The following ADGRD1 variants were observed in gnomAD, a reference collection of about 807,000 sequenced individuals.
ADGRD1 encodes G-protein coupled receptor 133.
In ADGRD1, 77 loss-of-function variants were observed where a neutral mutation model predicts 113.4. The ratio of observed to expected loss-of-function variants is 0.68; its 90% CI spans 0.57 to 0.82. ADGRD1 has a LOEUF of 0.82. Among genes scored for constraint, ADGRD1 ranks in the 40% least tolerant of loss-of-function variants. The probability of loss-of-function intolerance (pLI) is 0.00; values close to 1 mark genes in which losing one functional copy is unlikely to be tolerated. For missense variants in ADGRD1, 1,036 were observed against 1,139.1 expected (o/e 0.91, Z 1.30); for synonymous variants, 474 against 475.0 (o/e 1.00, Z 0.03).
At chr12:131,028,466 A>T (rs1045515267) in intron 13 of ADGRD1, among the ~76,000 whole-genome samples, 1 of 151,902 alleles carries the variant, frequency 6.6e-6, no homozygotes, top group Non-Finnish European at 1.5e-5. Flanking sequence ...CGGTTTATCA[A>T]GCTCTTCTGT....
intron 8 of ADGRD1, among the ~76,000 whole-genome samples, chr12:130,996,378 T>C (rs7963074): frequency 0.061 from 5,863 of 95,672 alleles, 397 homozygotes; most frequent in African/African-American, 0.17. Context: ...CCTCACCTCC[T>C]GGACGGGGCG....
chr12:131,116,662 C>T (rs770593387), intron 18 of ADGRD1, among the ~76,000 whole-genome samples: 1 of 152,220 alleles, frequency 6.6e-6, no homozygotes, highest in Non-Finnish European at 1.5e-5. Context: ...CGTGCACTTC[C>T]ATCCCCCACC....
At chr12:131,097,881 C>T (rs529559887) in intron 15 of ADGRD1, among the ~76,000 whole-genome samples, 1 of 152,326 alleles carries the variant, frequency 6.6e-6, no homozygotes, top group South Asian at 2.1e-4. Context: ...CTCTGCTCAC[C>T]CTGCTCTCTG....
In ADGRD1 at chr12:131,045,022, G is replaced by A. The variant is rs138071708; in HGVS notation, c.1473+30682G>A. On this transcript the variant is annotated intron_variant, in intron 13 of 24. Coordinates refer to ENST00000261654, the MANE Select transcript of ADGRD1 (RefSeq NM_198827.5). ...GCCTTCTCCGCAGGCCGTGGTGCGC[G>A]TGCCGGTGGGTTTCTGCGGCGTGTG... Among the ~76,000 whole-genome samples, 94 of 152,368 alleles carry A rather than the reference G, an allele frequency of 6.2e-4. No individual in the cohort carries two copies. In the South Asian group the frequency reaches 8.9e-3, roughly 14 times the overall value.
At chr12:131,036,794 C>G (rs1393208918) in intron 13 of ADGRD1, among the ~76,000 whole-genome samples, 1 of 139,176 alleles carries the variant, frequency 7.2e-6, no homozygotes. Flanking sequence ...ACTCACGGCA[C>G]TGGGTCTCAC....
intron 21 of ADGRD1, 49 bp downstream of exon 21, chr12:131,131,865 G>C (rs1467470225): frequency 8.0e-7 from 1 of 1,247,602 alleles, no homozygotes; most frequent in South Asian, 1.2e-5. Flanking sequence ...TCTGCCCCCA[G>C]AGGATGCTTT....
At chr12:130,991,159 T>C in intron 7 of ADGRD1, 81 bp downstream of exon 7, 1 of 1,143,462 alleles carries the variant, frequency 8.7e-7, no homozygotes, top group Non-Finnish European at 1.3e-6. Flanking sequence ...AAAATTCCAT[T>C]AGGTGTCTGG....
chr12:130,967,214 C>T, intron 3 of ADGRD1: 1 of 345,378 alleles, frequency 2.9e-6, no homozygotes, highest in South Asian at 2.2e-5. Flanking sequence ...AAACGCATCC[C>T]CATCTACCAG....
intron 13 of ADGRD1, among the ~76,000 whole-genome samples, chr12:131,067,308 CA>C (rs1406900840): frequency 7.9e-5 from 12 of 152,170 alleles, no homozygotes; most frequent in Non-Finnish European, 1.2e-4. Flanking sequence ...GCAGATTTTG[CA>C]GTTGTCTAGC....
chr12:131,087,256 C>G (rs1886532865), intron 15 of ADGRD1, among the ~76,000 whole-genome samples: 1 of 152,120 alleles, frequency 6.6e-6, no homozygotes, highest in Admixed American at 6.5e-5. Context: ...ACTTTGTGGC[C>G]CAGGCTCTGA....
chr12:131,038,369 A>G (rs186557152), intron 13 of ADGRD1, among the ~76,000 whole-genome samples: 3 of 152,320 alleles, frequency 2.0e-5, no homozygotes, highest in African/African-American at 7.2e-5. Context: ...TCAAACCTGC[A>G]TCTCGCCTGC....
chr12:131,018,348 C>T (rs957542540), intron 13 of ADGRD1, among the ~76,000 whole-genome samples: 9 of 152,150 alleles, frequency 5.9e-5, no homozygotes, highest in Admixed American at 1.3e-4. Context: ...GGCATCGGCT[C>T]GGGTTTTGGT....
At chr12:131,128,265 G>T (rs1462332731) in intron 20 of ADGRD1, among the ~76,000 whole-genome samples, 4 of 142,636 alleles carry the variant, frequency 2.8e-5, no homozygotes, top group South Asian at 4.6e-4. Flanking sequence ...GTGTTGGTTG[G>T]GTTGGTTGTG....
At chr12:130,964,494 C>T (rs562146850) in intron 2 of ADGRD1, among the ~76,000 whole-genome samples, 144 of 151,934 alleles carry the variant, frequency 9.5e-4, no homozygotes, top group African/African-American at 3.2e-3. Flanking sequence ...GAGACTAGCC[C>T]GGCCAACATG....
intron 8 of ADGRD1, among the ~76,000 whole-genome samples, chr12:130,996,272 G>A (rs1875326878): frequency 1.4e-5 from 2 of 145,152 alleles, no homozygotes; most frequent in East Asian, 2.0e-4. Flanking sequence ...ATCCTGGCCC[G>A]TTCTCAATGA....
chr12:130,992,961 TG>T (rs1874629210), intron 8 of ADGRD1, among the ~76,000 whole-genome samples: 1 of 152,150 alleles, frequency 6.6e-6, no homozygotes, highest in African/African-American at 2.4e-5. Flanking sequence ...CTTATCTTGG[TG>T]GATGCGAAGA....
intron 24 of ADGRD1, among the ~76,000 whole-genome samples, chr12:131,138,599 C>T (rs990354463): frequency 1.2e-4 from 19 of 152,150 alleles, no homozygotes; most frequent in Non-Finnish European, 2.6e-4. Flanking sequence ...TGTGCCGCTG[C>T]TTCCCCCCTG....
At chr12:131,032,054 T>A (rs2136932639) in intron 13 of ADGRD1, among the ~76,000 whole-genome samples, 1 of 152,110 alleles carries the variant, frequency 6.6e-6, no homozygotes, top group African/African-American at 2.4e-5. Context: ...ATAGAGGGGG[T>A]GACATTGCTT....
rs186885225 is a variant in ADGRD1, at chr12:131,113,753, G to A, written c.2042-4632G>A. On this transcript the variant is annotated intron_variant, in intron 18 of 24. Transcript: ENST00000261654. The surrounding 1 kb of genome is among the most constrained non-coding windows in gnomAD (Gnocchi z 4.9). ...CTCACTGCTCATGCTGTATCATCAC[G>A]AGGATGCTTTTGCACACGCTGGTCC... 2.6e-5 allele frequency among the ~76,000 whole-genome samples: 4 copies of A among 152,254 alleles called. No homozygotes were observed. The East Asian group carries it at 7.7e-4, about 29-fold the overall frequency.
Sources: gnomAD v4.1 joint callset for allele counts (sites outside exome capture counted in the v4.1 genomes callset) on GRCh38, gnomAD v4.1.1 for gene constraint, Gnocchi (gnomAD v3.1) non-coding constraint, MANE v1.5 for transcripts, NCBI Gene and HGNC (gene_info 2026-07-23, HGNC 2026-07-21) for gene names.